The following TRIM37 variants were observed in gnomAD, a reference collection of about 807,000 sequenced individuals.
The protein encoded by TRIM37 is E3 ubiquitin-protein ligase TRIM37.
TRIM37 carries 80 observed loss-of-function variants against 129.8 expected under a neutral mutation model. That is an observed-to-expected ratio of 0.62 (90% confidence interval 0.51 to 0.74). The LOEUF is 0.74. TRIM37 is among the 30% of genes least tolerant of loss of function. The pLI, the probability that TRIM37 is intolerant of heterozygous loss-of-function variation, is 0.00. For missense variants in TRIM37, 1,054 were observed against 1,176.5 expected (o/e 0.90, Z 1.52); for synonymous variants, 389 against 387.1 (o/e 1.00, Z -0.06).
chr17:59,018,797 A>T (rs908917471), intron 19 of TRIM37, among the ~76,000 whole-genome samples: 1 of 152,154 alleles, frequency 6.6e-6, no homozygotes, highest in Non-Finnish European at 1.5e-5. Context: ...ACAATACCCA[A>T]AACAATCTTA....
At chr17:58,969,800 G>C in the TRIM37 span, 1 of 1,396,318 alleles carries the variant, frequency 7.2e-7, no homozygotes, top group Non-Finnish European at 9.9e-7. Context: ...TGGTTAAAGG[G>C]CTATTTAGAT....
At chr17:59,027,497 G>A (rs767424829) in intron 19 of TRIM37, among the ~76,000 whole-genome samples, 5 of 152,030 alleles carry the variant, frequency 3.3e-5, no homozygotes, top group Non-Finnish European at 5.9e-5. Context: ...AAGAAAGATG[G>A]GAACCTCAGT....
At position 59,043,742 on chromosome 17, in the gene TRIM37, G is replaced by T. The variant is rs992245566; in HGVS notation, c.1668-1844C>A. Among the ~76,000 whole-genome samples, 4 of 152,142 alleles carry T rather than the reference G, an allele frequency of 2.6e-5. No individual in the cohort carries two copies. The East Asian group carries it at 5.8e-4, about 22-fold the overall frequency. ...GCCCCAGCTTATTCATAAGGTGGAG[G>T]TCCCAAGCCTGAAAAGGAAAGAACT... On this transcript the variant is annotated intron_variant, in intron 16 of 23. Transcript: ENST00000262294.
intron 4 of TRIM37, among the ~76,000 whole-genome samples, chr17:59,085,093 G>C (rs928492034): frequency 1.3e-5 from 2 of 152,184 alleles, no homozygotes; most frequent in African/African-American, 4.8e-5. Flanking sequence ...AGGAGGCCAA[G>C]GCGGGTGGAA....
chr17:58,997,666 A>T (rs189839997), downstream of TRIM37, among the ~76,000 whole-genome samples: 6 of 152,308 alleles, frequency 3.9e-5, no homozygotes, highest in Admixed American at 2.6e-4. Flanking sequence ...TAAAATACTA[A>T]ATACAGAAGC....
chr17:59,026,494 C>A (rs1308620080), intron 19 of TRIM37, among the ~76,000 whole-genome samples: 1 of 152,150 alleles, frequency 6.6e-6, no homozygotes, highest in Non-Finnish European at 1.5e-5. Context: ...TGGGAGAAAA[C>A]ATCTGCAAAT....
At chr17:59,089,059 C>T (rs1388439402) in intron 3 of TRIM37, among the ~76,000 whole-genome samples, 5 of 151,486 alleles carry the variant, frequency 3.3e-5, no homozygotes, top group Non-Finnish European at 5.9e-5. Context: ...CCCAGGTGTT[C>T]GAGACCAGCC....
the TRIM37 span, chr17:58,969,617 C>T: frequency 6.2e-7 from 1 of 1,614,126 alleles, no homozygotes; most frequent in Non-Finnish European, 8.5e-7. Context: ...CTCCATTCAC[C>T]TCCACGTTAA....
intron 2 of TRIM37, among the ~76,000 whole-genome samples, chr17:59,098,337 ATGCCGC>A (rs1254168238): frequency 1.3e-5 from 2 of 152,200 alleles, no homozygotes; most frequent in African/African-American, 4.8e-5. Flanking sequence ...AATGTACTTA[ATGCCGC>A]TAAACAGTAC....
At chr17:59,091,516 TATATA>T (rs2044326542) in intron 2 of TRIM37, among the ~76,000 whole-genome samples, 176 bp from the exon 3 acceptor site, 1 of 129,508 alleles carries the variant, frequency 7.7e-6, no homozygotes, top group African/African-American at 2.9e-5. Flanking sequence ...ATATCATATA[TATATA>T]ATGTATAATG....
chr17:59,100,797 T>A (rs1178787956), intron 2 of TRIM37, among the ~76,000 whole-genome samples: 1 of 151,996 alleles, frequency 6.6e-6, no homozygotes, highest in Non-Finnish European at 1.5e-5. Flanking sequence ...CTGAGGTGGG[T>A]GGATCACCTG....
intron 5 of TRIM37, among the ~76,000 whole-genome samples, chr17:59,081,638 T>G (rs1367297655): frequency 6.6e-6 from 1 of 152,096 alleles, no homozygotes; most frequent in Non-Finnish European, 1.5e-5. Context: ...CCAGGGGTGG[T>G]GGCTCATGCC....
At chr17:59,070,762 A>G in intron 9 of TRIM37, 61 bp downstream of exon 9, 1 of 1,546,828 alleles carries the variant, frequency 6.5e-7, no homozygotes, top group Non-Finnish European at 8.9e-7. Flanking sequence ...TTCTTTTGAA[A>G]CAAGTATATG....
rs1317309858 is a variant in TRIM37 at position 59,091,310 on chromosome 17, G to C, written c.154C>G (p.Pro52Ala). The stretch of plus-strand genomic sequence containing the variant: ...TAAGGAAACACTTACCGGCAATGAG[G>C]ACATTGAGCTCTCTGCTCTGTCAGC... ...RWLTEQRAQC[P>A]HCRAPLQLRE... Residue 52 changes from proline to alanine, a missense_variant, in exon 3 of 24, where the codon CCT (proline) becomes GCT (alanine). Physicochemically the swap from Pro to Ala is conservative, Grantham distance 27. Coordinates refer to ENST00000262294, the MANE Select transcript of TRIM37 (RefSeq NM_015294.6). 2 of 1,583,672 alleles carry C rather than the reference G, an allele frequency of 1.3e-6. No individual in the cohort carries two copies. Among genetic ancestry groups the C allele is most frequent in the East Asian group, 2.3e-5 (1 of 43,100 alleles).
chr17:59,044,654 C>T (rs1487768970), intron 16 of TRIM37, among the ~76,000 whole-genome samples: 2 of 152,178 alleles, frequency 1.3e-5, no homozygotes, highest in Non-Finnish European at 1.5e-5. Context: ...ATAACAACTA[C>T]TTACATAGCA....
intron 22 of TRIM37, among the ~76,000 whole-genome samples, chr17:59,007,327 TGTTAATGTAAA>T (rs1443681642): frequency 6.6e-6 from 1 of 151,136 alleles, no homozygotes; most frequent in Non-Finnish European, 1.5e-5. Context: ...TTGAGAGATT[TGTTAATGTAAA>T]AGAGTTAATT....
At chr17:59,080,908 G>A (rs1473232322) in intron 6 of TRIM37, among the ~76,000 whole-genome samples, 189 bp downstream of exon 6, 2 of 152,046 alleles carry the variant, frequency 1.3e-5, no homozygotes, top group African/African-American at 4.8e-5. Flanking sequence ...TTCCTTACAA[G>A]CCAGGGGCTT....
rs1248734847 is a variant in TRIM37, at chr17:59,056,969, CTTCAAAGTCAGA to C, written c.1093_1104del (p.Ser365_Glu368del). 6.2e-7 allele frequency: 1 copy of C among 1,613,768 alleles called. No homozygotes were observed. Among genetic ancestry groups the C allele is most frequent in the Non-Finnish European group, 8.5e-7 (1 of 1,179,934 alleles). Reference sequence around the variant, plus strand: ...CTATTATAGCCCCAGCATTCTCCAACTTCAAAGTCAGATGCAAATTCTCGAATGATATTTTTT... The same window carrying C: ...CTATTATAGCCCCAGCATTCTCCAACTGCAAATTCTCGAATGATATTTTTT... On this transcript the variant is annotated inframe_deletion, in exon 13 of 24. Transcript: ENST00000262294.
intron 19 of TRIM37, among the ~76,000 whole-genome samples, chr17:59,021,770 A>G (rs1001419030): frequency 5.3e-5 from 8 of 152,122 alleles, no homozygotes; most frequent in Admixed American, 5.2e-4. Context: ...AAAGAGTACA[A>G]TTGGATTGTT....
Sources: allele counts gnomAD v4.1 joint callset (sites outside exome capture counted in the v4.1 genomes callset), GRCh38; gene constraint gnomAD v4.1.1; transcripts MANE v1.5; gene names NCBI Gene and HGNC (gene_info 2026-07-23, HGNC 2026-07-21).